The following ROBO2 variants were observed in gnomAD, a reference collection of about 807,000 sequenced individuals.
ROBO2 encodes the protein roundabout homolog 2.
Under a neutral mutation model 160.8 loss-of-function variants are expected in ROBO2, and 53 were observed. The ratio of observed to expected loss-of-function variants is 0.33; its 90% CI spans 0.26 to 0.41. The LOEUF is 0.41. Ranked by LOEUF, ROBO2 falls within the 10% of genes least tolerant of loss-of-function variation. The pLI, the probability that ROBO2 is intolerant of heterozygous loss-of-function variation, is 1.00. For missense variants in ROBO2, 1,577 were observed against 1,722.4 expected, an observed-to-expected ratio of 0.92 and a Z score of 1.49; for synonymous variants, 664 against 611.7, an observed-to-expected ratio of 1.09 and a Z score of -1.26.
chr3:77,239,621 A>T (rs1002537219), intron 2 of ROBO2, among the ~76,000 whole-genome samples: 2 of 152,150 alleles, frequency 1.3e-5, no homozygotes, highest in African/African-American at 4.8e-5. Flanking sequence ...CCATTTTGAC[A>T]GGGTGCCGAT....
intron 2 of ROBO2, among the ~76,000 whole-genome samples, chr3:77,328,652 A>G (rs2065679866): frequency 6.6e-6 from 1 of 152,188 alleles, no homozygotes; most frequent in Non-Finnish European, 1.5e-5. Flanking sequence ...CTCAGCAATA[A>G]AAGAGATAGA....
At chr3:76,862,577 G>C (rs2070905273) in intron 2 of ROBO2, among the ~76,000 whole-genome samples, 1 of 152,032 alleles carries the variant, frequency 6.6e-6, no homozygotes, top group African/African-American at 2.4e-5. Flanking sequence ...ATCCTACCAA[G>C]GCTGTGTGTT....
chr3:76,105,279 A>G (rs2069873284), intron 2 of ROBO2, among the ~76,000 whole-genome samples: 1 of 152,170 alleles, frequency 6.6e-6, no homozygotes, highest in African/African-American at 2.4e-5. Context: ...ACAGCAGAGG[A>G]AACAGAATTA....
intron 2 of ROBO2, among the ~76,000 whole-genome samples, chr3:76,916,216 T>G (rs1325883535): frequency 6.6e-6 from 1 of 152,214 alleles, no homozygotes; most frequent in Non-Finnish European, 1.5e-5. Context: ...CATTTGGACA[T>G]GAACTACATG....
At chr3:77,227,051 T>G (rs770224519) in intron 2 of ROBO2, among the ~76,000 whole-genome samples, 3 of 152,184 alleles carry the variant, frequency 2.0e-5, no homozygotes, top group Non-Finnish European at 4.4e-5. Flanking sequence ...AACAAAAATG[T>G]TGCATCTTAA....
chr3:76,452,268 C>A (rs1397971533), intron 2 of ROBO2, among the ~76,000 whole-genome samples: 3 of 151,926 alleles, frequency 2.0e-5, no homozygotes, highest in African/African-American at 7.3e-5. Flanking sequence ...TGCTGGTGTG[C>A]TGCACCAATT....
chr3:76,421,016 C>T (rs1004862418), intron 2 of ROBO2, among the ~76,000 whole-genome samples: 1 of 152,154 alleles, frequency 6.6e-6, no homozygotes, highest in Non-Finnish European at 1.5e-5. Context: ...TTTAATAGGA[C>T]TTATCAGCAG....
intron 1 of ROBO2, among the ~76,000 whole-genome samples, chr3:75,926,739 C>G (rs993268662): frequency 4.6e-5 from 7 of 152,132 alleles, no homozygotes; most frequent in Admixed American, 3.3e-4. Context: ...AGTGATAAAT[C>G]AAAGAGCAAT....
chr3:76,511,723 G>A (rs766359519), intron 2 of ROBO2, among the ~76,000 whole-genome samples: 4 of 152,262 alleles, frequency 2.6e-5, no homozygotes, highest in Non-Finnish European at 4.4e-5. Flanking sequence ...CTGCCTTTAT[G>A]TTCACAGAAG....
At chr3:77,250,674 C>A (rs978086637) in intron 2 of ROBO2, among the ~76,000 whole-genome samples, 12 of 152,138 alleles carry the variant, frequency 7.9e-5, no homozygotes, top group African/African-American at 2.9e-4. Flanking sequence ...TGATTTGGCT[C>A]GCAGTTCTGG....
At chr3:76,517,287 C>A (rs186229372) in intron 2 of ROBO2, among the ~76,000 whole-genome samples, 1 of 152,022 alleles carries the variant, frequency 6.6e-6, no homozygotes, top group Non-Finnish European at 1.5e-5. Context: ...ATTGCCTGTT[C>A]AAAGGGAGGA....
At chr3:76,438,518 C>T (rs576636028) in intron 2 of ROBO2, among the ~76,000 whole-genome samples, 1 of 151,854 alleles carries the variant, frequency 6.6e-6, no homozygotes, top group African/African-American at 2.4e-5. Context: ...TTTCACTGCT[C>T]TACCTAATAT....
intron 2 of ROBO2, among the ~76,000 whole-genome samples, chr3:76,262,470 T>C (rs921948173): frequency 5.3e-5 from 8 of 152,108 alleles, no homozygotes; most frequent in African/African-American, 1.4e-4. Flanking sequence ...ATGGAAAAGG[T>C]TGTTTTCATT....
chr3:76,503,967 T>C (rs112259096), intron 2 of ROBO2, among the ~76,000 whole-genome samples: 591 of 152,370 alleles, frequency 3.9e-3, no homozygotes, highest in Middle Eastern at 6.8e-3. Flanking sequence ...AAAATCATTA[T>C]GTAGATAACT....
At position 76,509,921 on chromosome 3, in the gene ROBO2, C is replaced by A. The variant is rs533059973; in HGVS notation, c.109+572319C>A. Reference sequence around the variant, plus strand: ...CTGACCTCATGTGATGGGTCACAATCAAAATACAGGCTCACACACACACAC... The same window carrying A: ...CTGACCTCATGTGATGGGTCACAATAAAAATACAGGCTCACACACACACAC... On this transcript the variant is annotated intron_variant, in intron 2 of 26. Coordinates refer to the ROBO2 transcript ENST00000487694. Among the ~76,000 whole-genome samples, 6 of 142,074 alleles carry A rather than the reference C, an allele frequency of 4.2e-5. No homozygotes were observed. The South Asian group carries it at 1.4e-3, about 32-fold the overall frequency. 93.2% of individuals were successfully genotyped at this position (142,074 alleles called of 152,430 possible). A position where few individuals can be genotyped will look rare whatever the true frequency, so the allele number is the denominator to read the frequency against.
At chr3:76,847,878 A>C (rs1433191807) in intron 2 of ROBO2, among the ~76,000 whole-genome samples, 4 of 151,890 alleles carry the variant, frequency 2.6e-5, no homozygotes, top group African/African-American at 4.8e-5. Flanking sequence ...CTTTTTTCTT[A>C]CTGTTTTAAT....
chr3:76,468,372 T>G (rs2078469421), intron 2 of ROBO2, among the ~76,000 whole-genome samples: 1 of 152,110 alleles, frequency 6.6e-6, no homozygotes, highest in Non-Finnish European at 1.5e-5. Context: ...GTTGCCTCTT[T>G]TCACCTGGAA....
intron 2 of ROBO2, among the ~76,000 whole-genome samples, chr3:75,972,980 A>G (rs1408766366): frequency 1.3e-5 from 2 of 151,596 alleles, no homozygotes; most frequent in Non-Finnish European, 3.0e-5. Flanking sequence ...CTAAACCATA[A>G]TCCGTGAAAA....
chr3:76,967,909 T>G (rs1000149443), intron 2 of ROBO2, among the ~76,000 whole-genome samples: 1 of 152,168 alleles, frequency 6.6e-6, no homozygotes, highest in African/African-American at 2.4e-5. Flanking sequence ...TTTTAGATAC[T>G]GGATATTTCA....
Sources: gnomAD v4.1 joint callset for allele counts (sites outside exome capture counted in the v4.1 genomes callset) on GRCh38, gnomAD v4.1.1 for gene constraint, MANE v1.5 for transcripts, NCBI Gene and HGNC (gene_info 2026-07-23, HGNC 2026-07-21) for gene names.